Variants in NCOR1 observed in about 807,000 individuals in gnomAD.
NCOR1 encodes protein phosphatase 1, regulatory subunit 109.
NCOR1 carries 63 observed loss-of-function variants against 288.1 expected under a neutral mutation model. The ratio of observed to expected loss-of-function variants is 0.22; its 90% CI spans 0.18 to 0.27. The LOEUF is 0.27. NCOR1 is among the 10% of genes least tolerant of loss of function. NCOR1 has a pLI of 1.00. For synonymous variants in NCOR1, 1,007 were observed against 1,065.9 expected (o/e 0.94, Z 1.08); for missense variants, 2,397 against 3,019.2 (o/e 0.79, Z 4.83).
intron 15 of NCOR1, among the ~76,000 whole-genome samples, chr17:16,125,430 C>T (rs1342618116): frequency 1.3e-5 from 2 of 151,756 alleles, no homozygotes; most frequent in Admixed American, 6.6e-5. Flanking sequence ...CTAGGCTGGG[C>T]GCAGTGGCTC....
intron 26 of NCOR1, among the ~76,000 whole-genome samples, chr17:16,078,143 C>T (rs1045760924): frequency 1.3e-5 from 2 of 152,158 alleles, no homozygotes; most frequent in Non-Finnish European, 2.9e-5. Flanking sequence ...GAATCTAATA[C>T]GTAGAGCATT....
At chr17:16,175,038 A>C (rs1362808786) in intron 3 of NCOR1, among the ~76,000 whole-genome samples, 2 of 151,914 alleles carry the variant, frequency 1.3e-5, no homozygotes, top group Non-Finnish European at 1.5e-5. Flanking sequence ...TGTGGTATAA[A>C]AAAAAAAAAA....
rs533742179 is a variant in NCOR1 at position 16,157,387 on chromosome 17, A to G, written c.732+1373T>C. ...CATAACACTTACCATTACCGTAAGT[A>G]TATTTCTGATGACTCTCAGTTATCT... On this transcript the variant is annotated intron_variant, in intron 6 of 45. Transcript: ENST00000268712. Among the ~76,000 whole-genome samples, 5 of 152,328 alleles carry G rather than the reference A, an allele frequency of 3.3e-5. No homozygotes were observed. In the South Asian group the frequency reaches 1.0e-3, roughly 32 times the overall value.
At chr17:16,063,531 C>T (rs1263955461) in intron 35 of NCOR1, among the ~76,000 whole-genome samples, 2 of 152,116 alleles carry the variant, frequency 1.3e-5, no homozygotes, top group African/African-American at 4.8e-5. Flanking sequence ...AATTACTAGA[C>T]AAAAGAGTAT....
intron 26 of NCOR1, among the ~76,000 whole-genome samples, chr17:16,077,024 T>C (rs745342922): frequency 6.6e-6 from 1 of 152,146 alleles, no homozygotes; most frequent in Non-Finnish European, 1.5e-5. Context: ...ATCTGCCACA[T>C]TCACCTGACC....
intron 3 of NCOR1, among the ~76,000 whole-genome samples, chr17:16,181,538 A>G (rs2153506545): frequency 6.6e-6 from 1 of 152,298 alleles, no homozygotes; most frequent in African/African-American, 2.4e-5. Context: ...AATGTATAAC[A>G]TGAGGACTAA....
intron 3 of NCOR1, among the ~76,000 whole-genome samples, chr17:16,174,387 G>GC (rs770755244): frequency 1.2e-4 from 18 of 152,124 alleles, no homozygotes; most frequent in Non-Finnish European, 2.5e-4. Context: ...GCCCTCAGTT[G>GC]CCCCCTCAGC....
intron 14 of NCOR1, among the ~76,000 whole-genome samples, chr17:16,127,586 T>TATGTATGTATACATACATATGTGC (rs1568206363): frequency 1.5e-5 from 2 of 132,432 alleles, no homozygotes; most frequent in African/African-American, 2.9e-5. Flanking sequence ...TACATATGTG[T>TATGTATGTATACATACATATGTGC]ATATATGTAT....
chr17:16,100,433 G>C (rs562391910), intron 20 of NCOR1, among the ~76,000 whole-genome samples: 5 of 152,150 alleles, frequency 3.3e-5, no homozygotes, highest in Admixed American at 6.5e-5. Context: ...CTGAGGTCAG[G>C]AGTTTGAGAC....
chr17:16,204,930 A>G (rs1388572865), intron 1 of NCOR1, among the ~76,000 whole-genome samples: 1 of 152,264 alleles, frequency 6.6e-6, no homozygotes, highest in East Asian at 1.9e-4. Context: ...ACATGAATAA[A>G]GTGAGTGAGG....
At chr17:16,158,477 A>G (rs926815967) in intron 6 of NCOR1, among the ~76,000 whole-genome samples, 19 of 152,210 alleles carry the variant, frequency 1.2e-4, no homozygotes, top group Admixed American at 1.0e-3. Context: ...CAGAATTCAT[A>G]TAATAGGAGA....
chr17:16,061,434 G>A lies in NCOR1; in HGVS notation c.5848C>T (p.Arg1950Cys), dbSNP rs1567770009. The change falls in exon 37 of 46, where the codon CGT becomes TGT. Residue 1950 changes from arginine to cysteine, a missense_variant. Arg to Cys is a radical substitution (Grantham distance 180, BLOSUM62 -3). Transcript: ENST00000268712. ...GAAGAGTCTGAACTTTGAGAGCCAC[G>A]TTCCCTCGCATCCTTGTCCGAGGCA... ...QIASDKDARE[R>C]GSQSSDSSSS... 2.5e-6 allele frequency: 4 copies of A among 1,614,182 alleles called. No individual in the cohort carries two copies. The highest frequency in any genetic ancestry group is 2.5e-6 in the Non-Finnish European group (3 of 1,180,038).
At chr17:16,088,697 A>G (rs1309322829) in intron 22 of NCOR1, among the ~76,000 whole-genome samples, 1 of 152,188 alleles carries the variant, frequency 6.6e-6, no homozygotes, top group Admixed American at 6.5e-5. Context: ...TTTAGCCCTC[A>G]AGACCAATGT....
intron 3 of NCOR1, among the ~76,000 whole-genome samples, chr17:16,183,241 A>G (rs567829972): frequency 1.4e-4 from 21 of 150,618 alleles, no homozygotes; most frequent in African/African-American, 4.4e-4. Flanking sequence ...AAAAAAAAAA[A>G]AAAAGAAAAG....
At chr17:16,212,348 A>G (rs2153626769) in intron 1 of NCOR1, among the ~76,000 whole-genome samples, 1 of 152,334 alleles carries the variant, frequency 6.6e-6, no homozygotes, top group Non-Finnish European at 1.5e-5. Flanking sequence ...ACTATATTTT[A>G]TAACTTTCTA....
At chr17:16,164,077 T>A (rs987693003) in intron 5 of NCOR1, among the ~76,000 whole-genome samples, 3 of 152,076 alleles carry the variant, frequency 2.0e-5, no homozygotes, top group Non-Finnish European at 4.4e-5. Context: ...TGGTGATAGC[T>A]GTACAACTTT....
chr17:16,100,176 A>G (rs562852708), intron 20 of NCOR1, among the ~76,000 whole-genome samples: 4 of 152,222 alleles, frequency 2.6e-5, no homozygotes, highest in Non-Finnish European at 5.9e-5. Context: ...TTCTACTAAA[A>G]TTATAAGTGA....
At position 16,070,498 on chromosome 17, in the gene NCOR1, AGTT is replaced by A; in HGVS notation, c.4177_4179del (p.Asn1393del). 2 of 1,614,132 alleles carry A rather than the reference AGTT, an allele frequency of 1.2e-6. No individual in the cohort carries two copies. The highest frequency in any genetic ancestry group is 1.7e-6 in the Non-Finnish European group (2 of 1,179,968). On this transcript the variant is annotated inframe_deletion, in exon 31 of 46. Transcript: ENST00000268712. The stretch of plus-strand genomic sequence containing the variant: ...TTGTGTTTGATGGCAGATTGACCTG[AGTT>A]GTTGTCAAACTTTATTGGTGTGCCC...
chr17:16,059,169 C>G (rs1303452095), intron 37 of NCOR1, among the ~76,000 whole-genome samples: 2 of 150,800 alleles, frequency 1.3e-5, no homozygotes, highest in South Asian at 4.2e-4. Flanking sequence ...AAGAAATCAC[C>G]AGGGAAACAT....
Sources: gnomAD v4.1 joint callset for allele counts (sites outside exome capture counted in the v4.1 genomes callset) on GRCh38, gnomAD v4.1.1 for gene constraint, MANE v1.5 for transcripts, NCBI Gene and HGNC (gene_info 2026-07-23, HGNC 2026-07-21) for gene names.